The following TAMM41 variants were observed in gnomAD, a reference collection of about 807,000 sequenced individuals.
The protein encoded by TAMM41 is phosphatidate cytidylyltransferase, mitochondrial.
In TAMM41, 36 loss-of-function variants were observed where a neutral mutation model predicts 44.1. The observed-to-expected ratio is 0.82, with a 90% CI of 0.63 to 1.08. The LOEUF (loss-of-function observed/expected upper bound fraction) is 1.08. Ranked by LOEUF, TAMM41 falls within the 50% of genes least tolerant of loss-of-function variation. The pLI, the probability that TAMM41 is intolerant of heterozygous loss-of-function variation, is 0.00. For missense variants in TAMM41, 417 were observed against 404.3 expected, an observed-to-expected ratio of 1.03 and a Z score of -0.27; for synonymous variants, 164 against 153.1, an observed-to-expected ratio of 1.07 and a Z score of -0.53.
chr3:11,844,133 G>A lies in TAMM41; in HGVS notation c.214C>T (p.His72Tyr). 1 of 1,614,186 alleles carries A rather than the reference G, an allele frequency of 6.2e-7. No individual in the cohort carries two copies. Among genetic ancestry groups the A allele is most frequent in the African/African-American group, 1.3e-5 (1 of 75,048 alleles). ...HSKNLKKNWSHYSFLKVLGPK... is the reference protein window; with the variant it reads ...HSKNLKKNWSYYSFLKVLGPK... Reference sequence around the variant, plus strand: ...CCTAAAACTTTTAGGAAAGAGTAGTGACTCCAATTTTTCTTCAGGTTCTTT... The same window carrying A: ...CCTAAAACTTTTAGGAAAGAGTAGTAACTCCAATTTTTCTTCAGGTTCTTT... Residue 72 changes from histidine (H) to tyrosine (Y), a missense_variant, in exon 2 of 8, where the codon CAC becomes TAC. Coordinates refer to ENST00000455809, the MANE Select transcript of TAMM41 (RefSeq NM_001284401.2).
intron 2 of TAMM41, among the ~76,000 whole-genome samples, chr3:11,842,147 G>A (rs1390896948): frequency 6.6e-6 from 1 of 152,148 alleles, no homozygotes. Context: ...CTAGCACTTT[G>A]GGAGGCCGAG....
chr3:11,722,568 A>C, the TAMM41 span, among the ~76,000 whole-genome samples: 1 of 152,252 alleles, frequency 6.6e-6, no homozygotes, highest in Non-Finnish European at 1.5e-5. Flanking sequence ...AATGTTAAAA[A>C]TAAAATTAAA....
chr3:11,728,437 G>T, the TAMM41 span, among the ~76,000 whole-genome samples: 5 of 152,206 alleles, frequency 3.3e-5, no homozygotes, highest in Admixed American at 6.5e-5. Flanking sequence ...GCTACACAAG[G>T]TTCAAATATT....
chr3:11,753,197 G>A, the TAMM41 span, among the ~76,000 whole-genome samples: 1 of 151,746 alleles, frequency 6.6e-6, no homozygotes, highest in East Asian at 2.0e-4. Context: ...AGTCAGAGGC[G>A]GGAGGATCAC....
intron 7 of TAMM41, chr3:11,807,553 AAAC>A: frequency 1.3e-6 from 2 of 1,536,158 alleles, no homozygotes; most frequent in Non-Finnish European, 1.7e-6. Flanking sequence ...TTGATAAATA[AAAC>A]AATATGAGGG....
the TAMM41 span, among the ~76,000 whole-genome samples, chr3:11,744,033 C>T: frequency 6.6e-6 from 1 of 152,092 alleles, no homozygotes; most frequent in African/African-American, 2.4e-5. Flanking sequence ...GCACTACAGT[C>T]CCCTCATCTA....
In TAMM41 at chr3:11,817,208, T is replaced by C. The variant is rs1314634237; in HGVS notation, c.692A>G (p.Gln231Arg). The C allele has an allele frequency of 3.7e-6, 6 of 1,611,324 alleles. No individual in the cohort carries two copies. The highest frequency in any genetic ancestry group is 2.2e-5 in the East Asian group (1 of 44,854). Reference sequence around the variant, plus strand: ...TACAGTTACCTCCAGCCAGCCTTGCTGGCTTTTATACACCACTTGAGGATT... The same window carrying C: ...TACAGTTACCTCCAGCCAGCCTTGCCGGCTTTTATACACCACTTGAGGATT... ...QENPQVVYKS[Q>R]QGWLEIDKSP... The change falls in exon 5 of 8, where the codon CAG becomes CGG. Residue 231 changes from glutamine (Q) to arginine (R), a missense_variant. By Grantham distance (43) the Gln-to-Arg change is conservative. Coordinates refer to ENST00000455809, the MANE Select transcript of TAMM41 (RefSeq NM_001284401.2).
chr3:11,774,454 C>G, the TAMM41 span, among the ~76,000 whole-genome samples: 1 of 152,174 alleles, frequency 6.6e-6, no homozygotes, highest in African/African-American at 2.4e-5. Flanking sequence ...GATGGCCAGG[C>G]TAGCCCAAGA....
chr3:11,792,132 T>C (rs889435860), intron 7 of TAMM41, among the ~76,000 whole-genome samples: 1 of 152,058 alleles, frequency 6.6e-6, no homozygotes, highest in Non-Finnish European at 1.5e-5. Flanking sequence ...CTTAAACATT[T>C]AAGGTAAATA....
rs370773181 is a variant in TAMM41 at position 11,829,976 on chromosome 3, G to A, written c.412-112C>T. On this transcript the variant is annotated intron_variant, in intron 3 of 7. Coordinates refer to ENST00000455809, the MANE Select transcript of TAMM41 (RefSeq NM_001284401.2). ...AACTCTCTTCCCACTGAAGATCTTG[G>A]AATACTGGTTCAGGTGACACAAAAT... 1.2e-4 allele frequency: 130 copies of A among 1,053,202 alleles called. 1 individual carries two copies. The South Asian group carries it at 1.9e-3, about 16-fold the overall frequency. 65.2% of individuals were successfully genotyped at this position (1,053,202 alleles called of 1,614,324 possible).
At chr3:11,750,038 AG>A in the TAMM41 span, among the ~76,000 whole-genome samples, 1 of 151,634 alleles carries the variant, frequency 6.6e-6, no homozygotes, top group Non-Finnish European at 1.5e-5. Context: ...CTGGGACTAC[AG>A]GCGCCTGCCA....
At chr3:11,788,984 A>G (rs2077433861), downstream of TAMM41, among the ~76,000 whole-genome samples, 1 of 152,144 alleles carries the variant, frequency 6.6e-6, no homozygotes, top group Non-Finnish European at 1.5e-5. Flanking sequence ...AAGAAAAAGA[A>G]AAAGAAAATA....
rs147168367 is a variant in TAMM41 at position 11,794,293 on chromosome 3, C to T, written c.938-3712G>A. On this transcript the variant is annotated intron_variant, in intron 7 of 7. Transcript: ENST00000455809. ...CTGGGGCTACAGGTACATGCCACCA[C>T]GCCCGGCTAATTTTATTTTATTTTT... 4.2e-3 allele frequency among the ~76,000 whole-genome samples: 636 copies of T among 152,150 alleles called. 6 individuals are homozygous for T. The highest frequency in any genetic ancestry group is 5.8e-3 in the Non-Finnish European group (392 of 67,990).
chr3:11,749,397 G>A, the TAMM41 span, among the ~76,000 whole-genome samples: 5 of 152,210 alleles, frequency 3.3e-5, no homozygotes, highest in Admixed American at 3.3e-4. Flanking sequence ...TAATCCTTGG[G>A]TCCTGGCCAC....
chr3:11,844,213 TGTGGA>T lies in TAMM41; in HGVS notation c.136-7_136-3del, dbSNP rs745854146. The T allele has an allele frequency of 1.9e-5, 31 of 1,611,604 alleles. No homozygotes were observed. The East Asian group carries it at 6.9e-4, about 36-fold the overall frequency. The stretch of plus-strand genomic sequence containing the variant: ...GAACACAAAGTCCAGCATAGCATTC[TGTGGA>T]GTGAAGAAAAGAGAATAATTTCAGT... On this transcript the variant is annotated splice_polypyrimidine_tract_variant and splice_region_variant and intron_variant, in intron 1 of 7. Coordinates refer to ENST00000455809, the MANE Select transcript of TAMM41 (RefSeq NM_001284401.2).
chr3:11,760,933 G>A, the TAMM41 span, among the ~76,000 whole-genome samples: 35 of 152,024 alleles, frequency 2.3e-4, no homozygotes, highest in African/African-American at 7.5e-4. Flanking sequence ...TTGGGAGGCC[G>A]AGGTGGGCAG....
chr3:11,744,869 A>AT, the TAMM41 span, among the ~76,000 whole-genome samples: 88,837 of 148,020 alleles, frequency 0.6, 26,639 homozygotes, highest in African/African-American at 0.64. Context: ...TCTACAGGTA[A>AT]TTTTTTTTTT....
the TAMM41 span, among the ~76,000 whole-genome samples, chr3:11,734,211 C>G: frequency 6.6e-6 from 1 of 152,194 alleles, no homozygotes; most frequent in East Asian, 1.9e-4. Flanking sequence ...TGCGAGGCAC[C>G]CGGGATGACA....
At chr3:11,845,140 G>A (rs568252599) in intron 1 of TAMM41, 3 of 359,826 alleles carry the variant, frequency 8.3e-6, no homozygotes, top group East Asian at 7.9e-5. Context: ...AGATCAGAGA[G>A]GGAGGCTGTT....
Sources: gnomAD v4.1 joint callset for allele counts (sites outside exome capture counted in the v4.1 genomes callset) on GRCh38, gnomAD v4.1.1 for gene constraint, MANE v1.5 for transcripts, NCBI Gene and HGNC (gene_info 2026-07-23, HGNC 2026-07-21) for gene names.